The following ADCY1 variants were observed in gnomAD, a reference collection of about 807,000 sequenced individuals.
ADCY1 encodes adenylate cyclase 1, also known as adenylate cyclase type 1.
ADCY1 carries 28 observed loss-of-function variants against 105.4 expected under a neutral mutation model. The observed-to-expected ratio is 0.27, with a 90% CI of 0.20 to 0.36. The LOEUF is 0.36. Ranked by LOEUF, ADCY1 falls within the 10% of genes least tolerant of loss-of-function variation. The probability of loss-of-function intolerance (pLI) is 1.00; values close to 1 mark genes in which losing one functional copy is unlikely to be tolerated. For missense variants in ADCY1, 977 were observed against 1,434.2 expected (o/e 0.68, Z 5.15); for synonymous variants, 655 against 623.8 (o/e 1.05, Z -0.75).
intron 4 of ADCY1, among the ~76,000 whole-genome samples, chr7:45,637,700 A>G (rs1749055356): frequency 1.3e-5 from 2 of 152,322 alleles, no homozygotes; most frequent in Non-Finnish European, 1.5e-5. Flanking sequence ...ACTCCAGCCT[A>G]GGTGATAGAT....
At chr7:45,625,182 G>A (rs1446103651) in intron 4 of ADCY1, among the ~76,000 whole-genome samples, 4 of 152,198 alleles carry the variant, frequency 2.6e-5, no homozygotes, top group Non-Finnish European at 5.9e-5. Context: ...CTGTGCCACT[G>A]TCCAGGGTGT....
At position 45,661,930 on chromosome 7, in the gene ADCY1, A is replaced by C. The variant is rs112364751; in HGVS notation, c.1450-129A>C. The C allele has an allele frequency of 3.5e-6, 4 of 1,155,976 alleles. No individual in the cohort carries two copies. The Admixed American group carries it at 9.9e-5, about 29-fold the overall frequency. The allele number at this position is 1,155,976 out of a possible 1,614,324, so 71.6% of individuals were successfully genotyped here. A position where few individuals can be genotyped will look rare whatever the true frequency, so the allele number is the denominator to read the frequency against. ...GCACGTTCCCCAATGCCTGGCTTGA[A>C]GTAGGCGCTGAGCAAATGAATCCCA... On this transcript the variant is annotated intron_variant, in intron 7 of 19. Coordinates refer to ENST00000297323, the MANE Select transcript of ADCY1 (RefSeq NM_021116.4).
rs753350484 is a variant in ADCY1 at position 45,686,029 on chromosome 7, G to A, written c.2141G>A (p.Gly714Asp). Residue 714 changes from glycine to aspartate, a missense_variant, in exon 13 of 20, where the codon GGC becomes GAC. Gly to Asp is a moderately conservative substitution (Grantham distance 94). Transcript: ENST00000297323. The surrounding 1 kb of genome is among the most constrained non-coding windows in gnomAD (Gnocchi z 4.3). ...TCCCTGGTGGTCCTTTCGTCTGGGG[G>A]CCAGCGCACAGCCCTGCCCACCCTG... is the stretch of plus-strand genomic sequence containing the variant. ...NSSLVVLSSG[G>D]QRTALPTLPC... The A allele has an allele frequency of 9.9e-6, 16 of 1,613,992 alleles. No individual in the cohort carries two copies. The highest frequency in any genetic ancestry group is 1.3e-5 in the Non-Finnish European group (15 of 1,179,980).
At chr7:45,666,032 A>G (rs1329243212) in intron 8 of ADCY1, among the ~76,000 whole-genome samples, 2 of 152,194 alleles carry the variant, frequency 1.3e-5, no homozygotes, top group East Asian at 3.8e-4. Flanking sequence ...CGCTCGCACC[A>G]CTGATGCACC....
rs537228189 is a variant in ADCY1 at position 45,583,943 on chromosome 7, T to TTG, written c.639+8762_639+8763insGT. ...GCATGAGCCACTGTGCCCTGTTTTT[T>TTG]TTTTTTTTTTTTTTTTTTTTTTCAG... On this transcript the variant is annotated intron_variant, in intron 1 of 19. Transcript: ENST00000297323. Among the ~76,000 whole-genome samples, 127 of 62,272 alleles carry TTG rather than the reference T, an allele frequency of 2.0e-3. 2 individuals carry two copies. Among genetic ancestry groups the TTG allele is most frequent in the South Asian group, 6.4e-3 (7 of 1,086 alleles). 40.9% of individuals were successfully genotyped at this position (62,272 alleles called of 152,430 possible).
chr7:45,638,565 T>A (rs935810873), intron 4 of ADCY1, among the ~76,000 whole-genome samples: 1 of 151,850 alleles, frequency 6.6e-6, no homozygotes, highest in Non-Finnish European at 1.5e-5. Context: ...TATGTTTTAC[T>A]CTAATCTGCC....
In ADCY1 at chr7:45,708,124, C is replaced by T. The variant is rs1026284188; in HGVS notation, c.2818-226C>T. The stretch of plus-strand genomic sequence containing the variant: ...TGCCCTGCCCTATTCCTGCAGGCAG[C>T]CTTGGGTGGGCCCTGTCTCTGCCCC... On this transcript the variant is annotated intron_variant, in intron 17 of 19. Transcript: ENST00000297323. This position sits in a 1 kb window ranked among gnomAD's most constrained non-coding sequence, Gnocchi z 4.7. Among the ~76,000 whole-genome samples the T allele has an allele frequency of 6.6e-6, 1 of 152,234 alleles. No individual in the cohort carries two copies. The highest frequency in any genetic ancestry group is 1.5e-5 in the Non-Finnish European group (1 of 68,036).
At chr7:45,588,318 A>G (rs1792794890) in intron 1 of ADCY1, among the ~76,000 whole-genome samples, 1 of 151,860 alleles carries the variant, frequency 6.6e-6, no homozygotes, top group African/African-American at 2.4e-5. Flanking sequence ...TTGATTAGCA[A>G]ATATTTTCTC....
intron 8 of ADCY1, among the ~76,000 whole-genome samples, chr7:45,663,840 A>G (rs1194285294): frequency 6.6e-6 from 1 of 151,970 alleles, no homozygotes; most frequent in Admixed American, 6.5e-5. Flanking sequence ...AGAAAAAGAA[A>G]ATTATTCAGT....
At chr7:45,648,903 C>G (rs1024596570) in intron 5 of ADCY1, 106 bp downstream of exon 5, 6 of 1,404,058 alleles carry the variant, frequency 4.3e-6, no homozygotes, top group Non-Finnish European at 5.8e-6. Context: ...CTCAGGGTCT[C>G]GCTTTGTCCT....
intron 4 of ADCY1, among the ~76,000 whole-genome samples, chr7:45,643,462 G>A (rs1794578497): frequency 6.6e-6 from 1 of 151,910 alleles, no homozygotes; most frequent in African/African-American, 2.4e-5. Context: ...TCAACAATAA[G>A]TCTGCTGAAT....
chr7:45,686,815 G>A lies in ADCY1; in HGVS notation c.2454+142G>A. 11 of 1,278,544 alleles carry A rather than the reference G, an allele frequency of 8.6e-6. No individual in the cohort carries two copies. The highest frequency in any genetic ancestry group is 1.0e-5 in the Non-Finnish European group (10 of 955,524). The allele number at this position is 1,278,544 out of a possible 1,614,324, so 79.2% of individuals were successfully genotyped here. Reference sequence around the variant, plus strand: ...GCCCTCCTCAGCAGCATGCAAGCCAGGCACTGTCCGGGGATGGAGGAGACC... The same window carrying A: ...GCCCTCCTCAGCAGCATGCAAGCCAAGCACTGTCCGGGGATGGAGGAGACC... On this transcript the variant is annotated intron_variant, in intron 14 of 19. Coordinates refer to ENST00000297323, the MANE Select transcript of ADCY1 (RefSeq NM_021116.4). The surrounding 1 kb of genome is among the most constrained non-coding windows in gnomAD (Gnocchi z 4.3).
At chr7:45,610,173 C>T (rs911007079) in intron 2 of ADCY1, among the ~76,000 whole-genome samples, 48 of 152,276 alleles carry the variant, frequency 3.2e-4, no homozygotes, top group African/African-American at 9.6e-4. Flanking sequence ...GCATGAGGAG[C>T]GCCGCAGGGA....
chr7:45,611,929 T>C (rs757314863), intron 3 of ADCY1, among the ~76,000 whole-genome samples: 3 of 152,190 alleles, frequency 2.0e-5, no homozygotes, highest in Non-Finnish European at 4.4e-5. Context: ...TCTCAGTCCT[T>C]CTTATGTTGA....
chr7:45,620,497 A>G (rs1373170351), intron 3 of ADCY1, among the ~76,000 whole-genome samples: 2 of 152,192 alleles, frequency 1.3e-5, no homozygotes, highest in Non-Finnish European at 2.9e-5. Context: ...GGAGAAAGAA[A>G]AAGGGGCAGA....
At chr7:45,642,135 C>T (rs1794542914) in intron 4 of ADCY1, among the ~76,000 whole-genome samples, 1 of 151,976 alleles carries the variant, frequency 6.6e-6, no homozygotes, top group African/African-American at 2.4e-5. Context: ...CCAAACAGGG[C>T]CACACAGTGA....
intron 1 of ADCY1, among the ~76,000 whole-genome samples, chr7:45,577,263 T>C (rs1436723688): frequency 6.6e-6 from 1 of 152,180 alleles, no homozygotes; most frequent in African/African-American, 2.4e-5. Context: ...ACACTTCCTA[T>C]TGGAAAAGCA....
intron 5 of ADCY1, 137 bp downstream of exon 5, chr7:45,648,934 C>A: frequency 9.6e-7 from 1 of 1,046,338 alleles, no homozygotes; most frequent in Non-Finnish European, 1.3e-6. Context: ...TCTGAGGCTG[C>A]AGAGAATGAT....
intron 8 of ADCY1, 48 bp from the exon 9 acceptor site, chr7:45,677,821 A>G (rs148177160): frequency 1.2e-5 from 19 of 1,579,880 alleles, no homozygotes; most frequent in Admixed American, 1.1e-4. Flanking sequence ...CTTTTCTTCA[A>G]TAAGTGGAGA....
Sources: allele counts gnomAD v4.1 joint callset (sites outside exome capture counted in the v4.1 genomes callset), GRCh38; gene constraint gnomAD v4.1.1; non-coding constraint Gnocchi (gnomAD v3.1); transcripts MANE v1.5; gene names NCBI Gene and HGNC (gene_info 2026-07-23, HGNC 2026-07-21).